TRPC6: variants seen among roughly 807,000 people sequenced by gnomAD.
The protein encoded by TRPC6 is transient receptor potential cation channel subfamily C member 6.
TRPC6 carries 55 observed loss-of-function variants against 90.7 expected under a neutral mutation model. That is an observed-to-expected ratio of 0.61 (90% CI 0.49 to 0.76). TRPC6 has a LOEUF of 0.76. Among genes scored for constraint, TRPC6 ranks in the 30% least tolerant of loss-of-function variants. TRPC6 has a pLI of 0.00. For synonymous variants in TRPC6, 393 were observed against 393.0 expected (o/e 1.00, Z 0.00); for missense variants, 989 against 1,122.7 (o/e 0.88, Z 1.70).
chr11:101,510,709 T>C (rs7115999), intron 1 of TRPC6, among the ~76,000 whole-genome samples: 74,414 of 151,850 alleles, frequency 0.49, 18,657 homozygotes, highest in African/African-American at 0.55. Flanking sequence ...CCTTTTAGTA[T>C]TTGTTGCCCC....
intron 10 of TRPC6, among the ~76,000 whole-genome samples, chr11:101,463,123 G>A (rs938950976): frequency 1.1e-4 from 17 of 152,220 alleles, no homozygotes; most frequent in African/African-American, 1.4e-4. Context: ...ATCGATTTGC[G>A]TATGTTGAAC....
intron 10 of TRPC6, among the ~76,000 whole-genome samples, chr11:101,459,983 G>T (rs1858968383): frequency 6.6e-6 from 1 of 152,132 alleles, no homozygotes; most frequent in Non-Finnish European, 1.5e-5. Flanking sequence ...GGAAACTAAG[G>T]TTCAGAGAAG....
At chr11:101,512,444 G>C (rs1393292187) in intron 1 of TRPC6, among the ~76,000 whole-genome samples, 2 of 152,160 alleles carry the variant, frequency 1.3e-5, no homozygotes, top group African/African-American at 2.4e-5. Context: ...AACTGTGTGA[G>C]AGAATGAAAT....
chr11:101,538,929 A>G (rs1861113203), intron 1 of TRPC6, among the ~76,000 whole-genome samples: 1 of 152,168 alleles, frequency 6.6e-6, no homozygotes, highest in African/African-American at 2.4e-5. Flanking sequence ...GAAGTGAACT[A>G]TTTCTAAAGT....
intron 1 of TRPC6, among the ~76,000 whole-genome samples, chr11:101,522,995 G>C (rs1393277945): frequency 6.6e-6 from 1 of 152,184 alleles, no homozygotes; most frequent in African/African-American, 2.4e-5. Flanking sequence ...CAGGATTATA[G>C]TATATTGTGG....
intron 1 of TRPC6, among the ~76,000 whole-genome samples, chr11:101,559,860 C>A (rs571705630): frequency 8.2e-4 from 123 of 149,142 alleles, no homozygotes; most frequent in African/African-American, 2.9e-3. Flanking sequence ...GTTCAATTCC[C>A]ACCTATGAGG....
chr11:101,510,429 C>T (rs1860369997), intron 1 of TRPC6, among the ~76,000 whole-genome samples: 1 of 152,132 alleles, frequency 6.6e-6, no homozygotes, highest in South Asian at 2.1e-4. Context: ...CAACAAAAGA[C>T]ATTTTCATTT....
At chr11:101,466,630 A>G (rs1359261421) in intron 10 of TRPC6, among the ~76,000 whole-genome samples, 4 of 152,186 alleles carry the variant, frequency 2.6e-5, no homozygotes, top group African/African-American at 9.6e-5. Flanking sequence ...AGGGGATCTT[A>G]GTTTGCTGGG....
chr11:101,548,940 T>A (rs1023638184), intron 1 of TRPC6, among the ~76,000 whole-genome samples: 3 of 151,986 alleles, frequency 2.0e-5, no homozygotes, highest in Non-Finnish European at 4.4e-5. Context: ...CAAGGAAATG[T>A]CAGTGGGTAA....
At chr11:101,529,558 A>C (rs1327615295) in intron 1 of TRPC6, among the ~76,000 whole-genome samples, 1 of 152,242 alleles carries the variant, frequency 6.6e-6, no homozygotes, top group Non-Finnish European at 1.5e-5. Context: ...CCTGGCTAGA[A>C]TAGATCGTCC....
intron 4 of TRPC6, among the ~76,000 whole-genome samples, chr11:101,488,474 G>A (rs1180924502): frequency 6.6e-6 from 1 of 152,102 alleles, no homozygotes; most frequent in Non-Finnish European, 1.5e-5. Flanking sequence ...GGTCATATTA[G>A]CTAAAATAAA....
rs931598296 is a variant in TRPC6, at chr11:101,453,115, G to A, written c.2645-9C>T. 6.3e-7 allele frequency: 1 copy of A among 1,594,110 alleles called. No homozygotes were observed. Among genetic ancestry groups the A allele is most frequent in the African/African-American group, 1.6e-5 (1 of 61,020 alleles). On this transcript the variant is annotated splice_polypyrimidine_tract_variant and intron_variant, in intron 12 of 12. Coordinates refer to ENST00000344327, the MANE Select transcript of TRPC6 (RefSeq NM_004621.6). ...AATTTCCTTCAGTTCCCCTTTGAAA[G>A]CAAGAGTGATAAGAAGTCAACTATA... is the stretch of plus-strand genomic sequence containing the variant.
intron 1 of TRPC6, among the ~76,000 whole-genome samples, chr11:101,505,491 CAG>C (rs1860239070): frequency 6.6e-6 from 1 of 152,078 alleles, no homozygotes. Flanking sequence ...GAGGGTGAGA[CAG>C]GGGTTAGGTA....
At chr11:101,478,809 G>A (rs1261921863) in intron 5 of TRPC6, among the ~76,000 whole-genome samples, 3 of 152,110 alleles carry the variant, frequency 2.0e-5, no homozygotes, top group Non-Finnish European at 2.9e-5. Context: ...TGGATGCAGT[G>A]GTTCTATTTT....
rs181818040 is a variant in TRPC6 at position 101,540,019 on chromosome 11, C to T, written c.171-35221G>A. 2.6e-5 allele frequency among the ~76,000 whole-genome samples: 4 copies of T among 152,216 alleles called. No individual in the cohort carries two copies. The East Asian group carries it at 7.7e-4, about 29-fold the overall frequency. ...TTGAAATACTAAATCATTTTTTAAA[C>T]CTCTACTTATGTCAAAATACAGCAA... On this transcript the variant is annotated intron_variant, in intron 1 of 12. Coordinates refer to ENST00000344327, the MANE Select transcript of TRPC6 (RefSeq NM_004621.6).
intron 9 of TRPC6, 118 bp from the exon 10 acceptor site, chr11:101,469,619 C>T (rs1342500885): frequency 4.9e-6 from 3 of 614,726 alleles, no homozygotes; most frequent in Non-Finnish European, 8.8e-6. Flanking sequence ...GAAACATATT[C>T]TTACGGGGTT....
chr11:101,487,898 T>C (rs1859713720), intron 4 of TRPC6, among the ~76,000 whole-genome samples: 1 of 152,184 alleles, frequency 6.6e-6, no homozygotes. Context: ...CTTTCTAGCA[T>C]GAGTCATTTT....
intron 1 of TRPC6, among the ~76,000 whole-genome samples, chr11:101,568,661 A>C (rs1861888705): frequency 6.6e-6 from 1 of 152,234 alleles, no homozygotes; most frequent in Non-Finnish European, 1.5e-5. Flanking sequence ...CTAACAGCGA[A>C]TCTCTTGGCA....
At chr11:101,546,050 C>CCTTTTT (rs1861295770) in intron 1 of TRPC6, among the ~76,000 whole-genome samples, 1 of 29,694 alleles carries the variant, frequency 3.4e-5, no homozygotes, top group African/African-American at 1.3e-4. Context: ...ATTTATAACT[C>CCTTTTT]TTTTTTTTTT....
Sources: allele counts gnomAD v4.1 joint callset (sites outside exome capture counted in the v4.1 genomes callset), GRCh38; gene constraint gnomAD v4.1.1; transcripts MANE v1.5; gene names NCBI Gene and HGNC (gene_info 2026-07-23, HGNC 2026-07-21).